The following NXPE2 variants were observed in gnomAD, a reference collection of about 807,000 sequenced individuals.
NXPE2 encodes the protein NXPE family member 2.
Under a neutral mutation model 34.4 loss-of-function variants are expected in NXPE2, and 34 were observed. The ratio of observed to expected loss-of-function variants is 0.99; its 90% CI spans 0.75 to 1.31. The LOEUF (loss-of-function observed/expected upper bound fraction) is 1.31. Among genes scored for constraint, NXPE2 ranks in the 40% most tolerant of loss-of-function variants. NXPE2 has a pLI of 0.00. For synonymous variants in NXPE2, 235 were observed against 231.3 expected (o/e 1.02, Z -0.15); for missense variants, 649 against 672.5 (o/e 0.97, Z 0.39).
the NXPE2 span, among the ~76,000 whole-genome samples, chr11:114,523,891 T>C: frequency 1.4e-4 from 21 of 152,328 alleles, no homozygotes; most frequent in Admixed American, 1.4e-3. Flanking sequence ...CTGTATGAGA[T>C]AGGAAACCAG....
the NXPE2 span, among the ~76,000 whole-genome samples, chr11:114,637,276 G>A: frequency 1.3e-5 from 2 of 151,632 alleles, no homozygotes; most frequent in South Asian, 4.2e-4. Context: ...TCAGAGACTA[G>A]GATTGCAATC....
At chr11:114,687,962 A>G (rs974434957) in intron 2 of NXPE2, among the ~76,000 whole-genome samples, 1 of 152,046 alleles carries the variant, frequency 6.6e-6, no homozygotes, top group Admixed American at 6.6e-5. Flanking sequence ...TTTGCTAAAG[A>G]CCTGTTTATC....
chr11:114,784,553 G>A, the NXPE2 span, among the ~76,000 whole-genome samples: 1 of 151,910 alleles, frequency 6.6e-6, no homozygotes, highest in Non-Finnish European at 1.5e-5. Flanking sequence ...CACTCACAAA[G>A]ACAACGGAGC....
At chr11:114,636,088 C>A in the NXPE2 span, among the ~76,000 whole-genome samples, 1 of 17,436 alleles carries the variant, frequency 5.7e-5, no homozygotes, top group Non-Finnish European at 1.0e-4. Flanking sequence ...GTGAATCCAT[C>A]TGGTCCTGGA....
At chr11:114,510,219 T>A in the NXPE2 span, among the ~76,000 whole-genome samples, 15 of 152,124 alleles carry the variant, frequency 9.9e-5, no homozygotes, top group African/African-American at 3.6e-4. Flanking sequence ...AAAATAAAAT[T>A]TTCTTTTCCA....
At chr11:114,514,009 A>G in the NXPE2 span, among the ~76,000 whole-genome samples, 4 of 152,216 alleles carry the variant, frequency 2.6e-5, no homozygotes, top group Non-Finnish European at 5.9e-5. Context: ...TCCCAAATTA[A>G]TCACTCTTAT....
chr11:114,583,687 C>T, the NXPE2 span: 3 of 579,576 alleles, frequency 5.2e-6, no homozygotes, highest in Middle Eastern at 4.3e-4. Context: ...CAAAGAAGTT[C>T]AAGGCATCTG....
At chr11:114,799,291 C>CAAAAAAA in the NXPE2 span, among the ~76,000 whole-genome samples, 75 of 94,304 alleles carry the variant, frequency 8.0e-4, no homozygotes, top group African/African-American at 2.6e-3. Context: ...GGCAATGAAG[C>CAAAAAAA]AAAAAAAAAA....
At chr11:114,642,444 C>T in the NXPE2 span, among the ~76,000 whole-genome samples, 2 of 152,006 alleles carry the variant, frequency 1.3e-5, no homozygotes, top group African/African-American at 4.8e-5. Flanking sequence ...CCCCGACAGG[C>T]CCAGGTGTGT....
downstream of NXPE2, among the ~76,000 whole-genome samples, chr11:114,710,100 G>A (rs117336209): frequency 4.6e-4 from 70 of 152,092 alleles, no homozygotes; most frequent in East Asian, 0.013. Context: ...AGTAAAAGTG[G>A]CAATAACAGG....
At chr11:114,810,595 C>T in the NXPE2 span, among the ~76,000 whole-genome samples, 1 of 151,870 alleles carries the variant, frequency 6.6e-6, no homozygotes, top group African/African-American at 2.4e-5. Flanking sequence ...AAATGCTCAT[C>T]ATCACTGGCC....
the NXPE2 span, among the ~76,000 whole-genome samples, chr11:114,799,291 C>CAAAAAA: frequency 2.3e-3 from 216 of 94,292 alleles, 5 homozygotes; most frequent in African/African-American, 7.6e-3. Context: ...GGCAATGAAG[C>CAAAAAA]AAAAAAAAAA....
the NXPE2 span, among the ~76,000 whole-genome samples, chr11:114,734,450 A>G: frequency 3.3e-5 from 5 of 152,144 alleles, no homozygotes; most frequent in Non-Finnish European, 5.9e-5. Context: ...TTTTTATAAT[A>G]TTGGTTTACT....
downstream of NXPE2, among the ~76,000 whole-genome samples, chr11:114,710,859 C>T (rs764314637): frequency 6.6e-6 from 1 of 151,794 alleles, no homozygotes; most frequent in African/African-American, 2.4e-5. Flanking sequence ...TACTAGTAAA[C>T]CAAATTCAAT....
the NXPE2 span, chr11:114,529,962 G>C: frequency 1.9e-6 from 1 of 512,870 alleles, no homozygotes; most frequent in Non-Finnish European, 3.4e-6. Context: ...ATAGAAGAAC[G>C]GTTATAGCAA....
chr11:114,577,458 C>T, the NXPE2 span, among the ~76,000 whole-genome samples: 2 of 152,010 alleles, frequency 1.3e-5, no homozygotes, highest in African/African-American at 2.4e-5. Context: ...GTACACTGCT[C>T]GGGCGATGGG....
At chr11:114,768,623 T>TCA in the NXPE2 span, among the ~76,000 whole-genome samples, 1 of 152,332 alleles carries the variant, frequency 6.6e-6, no homozygotes, top group African/African-American at 2.4e-5. Context: ...AAGAGGTTCT[T>TCA]CACATCCCTT....
At chr11:114,491,171 A>G in the NXPE2 span, among the ~76,000 whole-genome samples, 2 of 144,952 alleles carry the variant, frequency 1.4e-5, 1 homozygote. Context: ...TCCGTCTCAA[A>G]AAAAAAAAAA....
At chr11:114,697,749 T>C (rs182345745) in intron 2 of NXPE2, among the ~76,000 whole-genome samples, 61 of 152,290 alleles carry the variant, frequency 4.0e-4, no homozygotes, top group African/African-American at 1.4e-3. Context: ...AGTGAGGGGA[T>C]AGCAAAAGGA....
Sources: allele counts gnomAD v4.1 joint callset (sites outside exome capture counted in the v4.1 genomes callset), GRCh38; gene constraint gnomAD v4.1.1; transcripts MANE v1.5; gene names NCBI Gene and HGNC (gene_info 2026-07-23, HGNC 2026-07-21).